Variants in HSD17B12 observed in about 807,000 individuals in gnomAD.
The protein encoded by HSD17B12 is hydroxysteroid 17-beta dehydrogenase 12.
A neutral mutation model predicts 39.3 loss-of-function variants in HSD17B12; 32 were observed. That is an observed-to-expected ratio of 0.81 (90% CI 0.61 to 1.09). The LOEUF (loss-of-function observed/expected upper bound fraction) is 1.09, where lower values mean the gene tolerates loss of function less well. Among genes scored for constraint, HSD17B12 ranks in the 50% least tolerant of loss-of-function variants. HSD17B12 has a pLI of 0.00. For synonymous variants in HSD17B12, 150 were observed against 146.7 expected, an observed-to-expected ratio of 1.02 and a Z score of -0.16; for missense variants, 342 against 382.9, an observed-to-expected ratio of 0.89 and a Z score of 0.89.
At chr11:43,817,022 CTA>C (rs1163336548) in intron 6 of HSD17B12, among the ~76,000 whole-genome samples, 6 of 20,792 alleles carry the variant, frequency 2.9e-4, no homozygotes, top group African/African-American at 5.5e-4. Context: ...ATATCTATAT[CTA>C]TATCTATATC....
chr11:43,594,993 T>G, the HSD17B12 span, among the ~76,000 whole-genome samples: 1 of 152,254 alleles, frequency 6.6e-6, no homozygotes, highest in South Asian at 2.1e-4. Flanking sequence ...AGGCCCATTA[T>G]TATGTGGCCT....
intron 1 of HSD17B12, among the ~76,000 whole-genome samples, chr11:43,702,036 A>C (rs574829974): frequency 6.6e-6 from 1 of 152,012 alleles, no homozygotes; most frequent in Non-Finnish European, 1.5e-5. Flanking sequence ...TATTATAGAG[A>C]TCTTTTACTT....
intron 1 of HSD17B12, chr11:43,719,139 T>C (rs1001716866): frequency 2.6e-6 from 2 of 758,704 alleles, no homozygotes; most frequent in African/African-American, 3.4e-5. Context: ...AAAATTGGGA[T>C]CATCTAAACT....
chr11:43,605,940 A>T, the HSD17B12 span, among the ~76,000 whole-genome samples: 33 of 152,204 alleles, frequency 2.2e-4, no homozygotes, highest in African/African-American at 8.0e-4. Context: ...CATATTGTGA[A>T]TACAGCTGAT....
At chr11:43,741,623 A>C (rs1485136747) in intron 1 of HSD17B12, among the ~76,000 whole-genome samples, 6 of 152,082 alleles carry the variant, frequency 3.9e-5, no homozygotes, top group Non-Finnish European at 8.8e-5. Flanking sequence ...TATGATGAAG[A>C]ATTGACTCCC....
At chr11:43,580,916 G>A in the HSD17B12 span, among the ~76,000 whole-genome samples, 3 of 152,148 alleles carry the variant, frequency 2.0e-5, no homozygotes, top group East Asian at 3.9e-4. Flanking sequence ...TAGTGCTCTG[G>A]GGGAGTTTTT....
chr11:43,581,323 C>T, the HSD17B12 span: 10 of 471,312 alleles, frequency 2.1e-5, no homozygotes, highest in Non-Finnish European at 8.8e-6. The surrounding 1 kb of genome is among the most constrained non-coding windows in gnomAD (Gnocchi z 4.9). Flanking sequence ...GGAGACCCAG[C>T]CTGTTCGGCT....
chr11:43,580,283 G>T, the HSD17B12 span, among the ~76,000 whole-genome samples: 1 of 151,450 alleles, frequency 6.6e-6, no homozygotes, highest in Non-Finnish European at 1.5e-5. Flanking sequence ...TCCCGCAGAA[G>T]GTGGAATCTC....
intron 3 of HSD17B12, among the ~76,000 whole-genome samples, chr11:43,789,441 C>G (rs1950846382): frequency 6.6e-6 from 1 of 152,156 alleles, no homozygotes; most frequent in African/African-American, 2.4e-5. Flanking sequence ...AGACACAGAT[C>G]CTGCCCTCAT....
At chr11:43,611,465 A>G in the HSD17B12 span, among the ~76,000 whole-genome samples, 1 of 152,196 alleles carries the variant, frequency 6.6e-6, no homozygotes, top group Non-Finnish European at 1.5e-5. Flanking sequence ...GTTCTGTAGC[A>G]GCAGACATTA....
At chr11:43,619,243 A>AAATATATATATATTTTATATATATAT in the HSD17B12 span, among the ~76,000 whole-genome samples, 1 of 11,780 alleles carries the variant, frequency 8.5e-5, no homozygotes, top group African/African-American at 1.3e-4. Flanking sequence ...ATATATATAT[A>AAATATATATATATTTTATATATATAT]AAATATATAT....
chr11:43,574,216 A>G, the HSD17B12 span, among the ~76,000 whole-genome samples: 1 of 152,228 alleles, frequency 6.6e-6, no homozygotes, highest in Non-Finnish European at 1.5e-5. Context: ...TACAAAGAGT[A>G]GGAGATCCTG....
the HSD17B12 span, among the ~76,000 whole-genome samples, chr11:43,570,816 T>C: frequency 1.3e-5 from 2 of 152,218 alleles, no homozygotes; most frequent in African/African-American, 4.8e-5. Context: ...CCTCCCCTTT[T>C]CTTTCTACTT....
intron 6 of HSD17B12, among the ~76,000 whole-genome samples, chr11:43,817,040 C>CTATATCTA (rs1951136066): frequency 4.6e-4 from 10 of 21,508 alleles, no homozygotes; most frequent in Admixed American, 1.1e-3. Flanking sequence ...ATATCTATAT[C>CTATATCTA]TATATATATA....
intron 3 of HSD17B12, among the ~76,000 whole-genome samples, chr11:43,794,224 G>A (rs1950895654): frequency 6.6e-6 from 1 of 152,184 alleles, no homozygotes; most frequent in African/African-American, 2.4e-5. Flanking sequence ...CGACTGATTT[G>A]TCAATAGGCA....
intron 9 of HSD17B12, among the ~76,000 whole-genome samples, chr11:43,841,716 T>G (rs1951427828): frequency 1.3e-5 from 2 of 152,210 alleles, no homozygotes; most frequent in African/African-American, 4.8e-5. Flanking sequence ...AAAAATGTCT[T>G]GGGAGAAGTT....
chr11:43,721,159 T>C (rs1046607548), intron 1 of HSD17B12, among the ~76,000 whole-genome samples: 5 of 151,702 alleles, frequency 3.3e-5, no homozygotes, highest in African/African-American at 4.8e-5. Flanking sequence ...AGATAAATAA[T>C]GTAATTGCAC....
chr11:43,671,155 T>C, the HSD17B12 span, among the ~76,000 whole-genome samples: 1 of 152,052 alleles, frequency 6.6e-6, no homozygotes, highest in Non-Finnish European at 1.5e-5. Flanking sequence ...CCCTTTCACA[T>C]GGTTTTATTT....
At chr11:43,805,787 G>GC (rs35618908) in intron 4 of HSD17B12, among the ~76,000 whole-genome samples, 1 of 152,048 alleles carries the variant, frequency 6.6e-6, no homozygotes, top group East Asian at 1.9e-4. Flanking sequence ...CAGGAACACA[G>GC]CCCCCCAAAA....
Sources: allele counts gnomAD v4.1 joint callset (sites outside exome capture counted in the v4.1 genomes callset), GRCh38; gene constraint gnomAD v4.1.1; non-coding constraint Gnocchi (gnomAD v3.1); transcripts MANE v1.5; gene names NCBI Gene and HGNC (gene_info 2026-07-23, HGNC 2026-07-21).